ERGIC1: variants seen among roughly 807,000 people sequenced by gnomAD.
ERGIC1 encodes the protein endoplasmic reticulum-golgi intermediate compartment 1.
A neutral mutation model predicts 38.3 loss-of-function variants in ERGIC1; 19 were observed. The observed-to-expected ratio is 0.50, with a 90% CI of 0.35 to 0.73. The LOEUF (loss-of-function observed/expected upper bound fraction) is 0.73, where lower values mean the gene tolerates loss of function less well. ERGIC1 is among the 30% of genes least tolerant of loss of function. The pLI is 0.01. For synonymous variants in ERGIC1, 124 were observed against 157.6 expected, an observed-to-expected ratio of 0.79 and a Z score of 1.60; for missense variants, 294 against 389.2, an observed-to-expected ratio of 0.76 and a Z score of 2.06.
chr5:172,912,315 G>A (rs369811620), intron 4 of ERGIC1, among the ~76,000 whole-genome samples: 1 of 152,116 alleles, frequency 6.6e-6, no homozygotes, highest in East Asian at 1.9e-4. Flanking sequence ...TAGTGGTGAG[G>A]TCTCTGTGCC....
chr5:172,915,585 G>A (rs1378410264), intron 5 of ERGIC1: 1 of 471,200 alleles, frequency 2.1e-6, no homozygotes, highest in South Asian at 1.5e-5. Flanking sequence ...GAGGCACCCG[G>A]TGGCAGCTGG....
In ERGIC1 at chr5:172,876,711, C is replaced by G. The variant is rs755151744; in HGVS notation, c.21-11988C>G. On this transcript the variant is annotated intron_variant, in intron 1 of 9. Transcript: ENST00000393784. ...AGATCATGGATATCTACACCACACCCCAAAGCTTGCTCCTCCCTGTCCTTT... is the reference window on the plus strand; with the variant it reads ...AGATCATGGATATCTACACCACACCGCAAAGCTTGCTCCTCCCTGTCCTTT... Among the ~76,000 whole-genome samples the G allele has an allele frequency of 9.8e-5, 15 of 152,296 alleles. No individual in the cohort carries two copies. The South Asian group carries it at 1.0e-3, about 11-fold the overall frequency.
At chr5:172,888,526 G>A (rs554729405) in intron 1 of ERGIC1, among the ~76,000 whole-genome samples, 173 bp from the exon 2 acceptor site, 9 of 152,116 alleles carry the variant, frequency 5.9e-5, no homozygotes, top group Non-Finnish European at 1.3e-4. Flanking sequence ...GTTGTGGGGA[G>A]CAGGGGTTCC....
rs1278778496 is a variant in ERGIC1, at chr5:172,924,007, C to T, written c.378C>T (p.Val126=). 12 of 1,613,966 alleles carry T rather than the reference C, an allele frequency of 7.4e-6. No individual in the cohort carries two copies. The highest frequency in any genetic ancestry group is 1.0e-5 in the Non-Finnish European group (12 of 1,179,980). Residue 126 remains valine, a splice_region_variant and synonymous_variant, in exon 6 of 10, where the codon GTC becomes GTT. Coordinates refer to ENST00000393784, the MANE Select transcript of ERGIC1 (RefSeq NM_001031711.3). ...RFEGQFSINK[V]PGNFHVSTHS... ...TGAAACTCACATTTCTCCCCCAGGT[C>T]CCCGGCAACTTCCACGTGTCCACAC... is the stretch of plus-strand genomic sequence containing the variant.
At chr5:172,871,617 C>T (rs1762012022) in intron 1 of ERGIC1, among the ~76,000 whole-genome samples, 1 of 152,202 alleles carries the variant, frequency 6.6e-6, no homozygotes, top group Non-Finnish European at 1.5e-5. Context: ...GTGCTCCCAG[C>T]ACCTAGATCA....
At chr5:172,942,096 G>A (rs1238856462) in intron 9 of ERGIC1, among the ~76,000 whole-genome samples, 1 of 152,194 alleles carries the variant, frequency 6.6e-6, no homozygotes, top group Admixed American at 6.5e-5. Context: ...AACTACGTGG[G>A]ACGCTGAGGC....
chr5:172,891,612 G>C (rs1762561490), intron 2 of ERGIC1, among the ~76,000 whole-genome samples: 1 of 151,866 alleles, frequency 6.6e-6, no homozygotes, highest in South Asian at 2.1e-4. Context: ...GCTAATTTTT[G>C]TATTTTTAGT....
intron 1 of ERGIC1, among the ~76,000 whole-genome samples, chr5:172,868,003 C>T (rs891341344): frequency 4.6e-5 from 7 of 152,196 alleles, no homozygotes; most frequent in African/African-American, 1.7e-4. Context: ...GAGCCGAAAG[C>T]TGGGTTGTCT....
chr5:172,862,231 G>A (rs1761722377), intron 1 of ERGIC1, among the ~76,000 whole-genome samples: 1 of 125,232 alleles, frequency 8.0e-6, no homozygotes, highest in South Asian at 2.8e-4. Flanking sequence ...CAAATGATCT[G>A]CCCACCGCAG....
Position 172,865,276 on chromosome 5 carries a change from G to A in ERGIC1, c.21-23423G>A, listed in dbSNP as rs1458578840. Among the ~76,000 whole-genome samples, 12 of 151,992 alleles carry A rather than the reference G, an allele frequency of 7.9e-5. No homozygotes were observed. The South Asian group carries it at 1.9e-3, about 24-fold the overall frequency. On this transcript the variant is annotated intron_variant, in intron 1 of 9. Transcript: ENST00000393784. The stretch of plus-strand genomic sequence containing the variant: ...TCACCATGTTGGCCAGGCTGGTCTC[G>A]AACTCTTGACCTCAGGTGATCCACC...
chr5:172,881,635 G>A (rs1762286167), intron 1 of ERGIC1, among the ~76,000 whole-genome samples: 1 of 152,156 alleles, frequency 6.6e-6, no homozygotes, highest in South Asian at 2.1e-4. Flanking sequence ...CCACCCAAAT[G>A]GGCCTGATTT....
intron 7 of ERGIC1, among the ~76,000 whole-genome samples, chr5:172,927,397 A>G (rs1763679688): frequency 6.6e-6 from 1 of 151,958 alleles, no homozygotes; most frequent in Non-Finnish European, 1.5e-5. Context: ...GACAAATCGA[A>G]CCTCATTTTT....
intron 3 of ERGIC1, among the ~76,000 whole-genome samples, chr5:172,904,860 T>G (rs1762977867): frequency 6.6e-6 from 1 of 152,168 alleles, no homozygotes. Context: ...CCTGGGGCCC[T>G]CCAGGAAGGA....
intron 1 of ERGIC1, among the ~76,000 whole-genome samples, chr5:172,853,620 G>A (rs1292889813): frequency 6.6e-6 from 1 of 152,244 alleles, no homozygotes; most frequent in Non-Finnish European, 1.5e-5. Context: ...CGCCCCGGAG[G>A]ATGGGATGTG....
intron 1 of ERGIC1, among the ~76,000 whole-genome samples, chr5:172,875,667 T>C (rs2113192237): frequency 6.6e-6 from 1 of 152,258 alleles, no homozygotes; most frequent in South Asian, 2.1e-4. Context: ...CAGTCACGGC[T>C]CACTAAAGCT....
intron 5 of ERGIC1, among the ~76,000 whole-genome samples, chr5:172,919,148 G>A (rs1763449096): frequency 6.6e-6 from 1 of 152,188 alleles, no homozygotes; most frequent in Admixed American, 6.5e-5. Context: ...CAGTGCTCAG[G>A]TAAACAGGAA....
At position 172,932,452 on chromosome 5, in the gene ERGIC1, C is replaced by G; in HGVS notation, c.558C>G (p.Asp186Glu). 1 of 1,614,224 alleles carries G rather than the reference C, an allele frequency of 6.2e-7. No homozygotes were observed. The highest frequency in any genetic ancestry group is 8.5e-7 in the Non-Finnish European group (1 of 1,180,048). The change falls in exon 8 of 10, where the codon GAC becomes GAG. Residue 186 changes from aspartate (D) to glutamate (E), a missense_variant. Asp to Glu is a conservative substitution (Grantham distance 45). This residue lies in a region of ERGIC1 where 109 missense variants were observed against 112.7 expected (regional missense o/e 0.97). Coordinates refer to ENST00000393784, the MANE Select transcript of ERGIC1 (RefSeq NM_001031711.3). Reference protein sequence around the residue: ...RLTSNPLASHDYILKIVPTVY... With the variant: ...RLTSNPLASHEYILKIVPTVY... Reference sequence around the variant, plus strand: ...TTCCCGCAGCCCTGGCCTCCCACGACTACATCCTGAAGATTGTGCCCACGG... The same window carrying G: ...TTCCCGCAGCCCTGGCCTCCCACGAGTACATCCTGAAGATTGTGCCCACGG...
At chr5:172,919,476 G>T (rs944042254) in intron 5 of ERGIC1, among the ~76,000 whole-genome samples, 1 of 152,162 alleles carries the variant, frequency 6.6e-6, no homozygotes, top group Non-Finnish European at 1.5e-5. Flanking sequence ...ACACGCCCAA[G>T]ACTGCAGTCT....
At chr5:172,939,330 A>C (rs1262539507) in intron 9 of ERGIC1, among the ~76,000 whole-genome samples, 1 of 152,218 alleles carries the variant, frequency 6.6e-6, no homozygotes, top group African/African-American at 2.4e-5. Context: ...TTGTTTGGGA[A>C]GCTCTAAGAA....
Sources: gnomAD v4.1 joint callset for allele counts (sites outside exome capture counted in the v4.1 genomes callset) on GRCh38, gnomAD v4.1.1 for gene constraint, gnomAD v4.1.1 regional missense constraint, MANE v1.5 for transcripts, NCBI Gene and HGNC (gene_info 2026-07-23, HGNC 2026-07-21) for gene names.